Variants in PLEKHG5 observed in about 807,000 individuals in gnomAD.
The protein encoded by PLEKHG5 is pleckstrin homology and RhoGEF domain containing G5.
In PLEKHG5, 52 loss-of-function variants were observed where a neutral mutation model predicts 103.8. That is an observed-to-expected ratio of 0.50 (90% CI 0.40 to 0.63). The LOEUF (loss-of-function observed/expected upper bound fraction) is 0.63, where lower values mean the gene tolerates loss of function less well. Ranked by LOEUF, PLEKHG5 falls within the 30% of genes least tolerant of loss-of-function variation. PLEKHG5 has a pLI of 0.00. For synonymous variants in PLEKHG5, 592 were observed against 575.5 expected (o/e 1.03, Z -0.41); for missense variants, 1,205 against 1,347.6 (o/e 0.89, Z 1.66).
At chr1:6,471,389 G>T (rs1243725922) in intron 12 of PLEKHG5, 99 bp downstream of exon 12, 3 of 1,344,272 alleles carry the variant, frequency 2.2e-6, no homozygotes, top group African/African-American at 1.4e-5. Context: ...GGGCCTGGGG[G>T]AGGTTGGGGA....
intron 7 of PLEKHG5, 74 bp downstream of exon 7, chr1:6,473,939 C>T (rs960466691): frequency 4.9e-6 from 7 of 1,419,900 alleles, no homozygotes; most frequent in Non-Finnish European, 6.8e-6. Context: ...AGGGTGACTG[C>T]CTCTGAGGAG....
chr1:6,502,342 A>G (rs1645304638), intron 1 of PLEKHG5, among the ~76,000 whole-genome samples: 1 of 152,232 alleles, frequency 6.6e-6, no homozygotes, highest in Admixed American at 6.5e-5. Flanking sequence ...AGCTGCAGGG[A>G]GGGGCATGGA....
upstream of PLEKHG5, chr1:6,496,624 C>T (rs1237520235): frequency 6.1e-6 from 8 of 1,317,202 alleles, no homozygotes; most frequent in Non-Finnish European, 8.2e-6. Context: ...CTCCCCTGGG[C>T]CCCACTGGCC....
chr1:6,496,106 T>C (rs1452160804), upstream of PLEKHG5, among the ~76,000 whole-genome samples: 2 of 151,920 alleles, frequency 1.3e-5, no homozygotes, highest in African/African-American at 4.8e-5. Context: ...AGTGGCTGAG[T>C]TCAACAGGAA....
chr1:6,518,144 G>A (rs1411315109), intron 1 of PLEKHG5, among the ~76,000 whole-genome samples: 1 of 151,530 alleles, frequency 6.6e-6, no homozygotes, highest in East Asian at 2.0e-4. Flanking sequence ...ATGTTAGCCA[G>A]GATGGTCTTG....
chr1:6,469,035 G>T lies in PLEKHG5; in HGVS notation c.2249+7C>A. On this transcript the variant is annotated splice_region_variant and intron_variant, in intron 19 of 20. Coordinates refer to ENST00000377728, the MANE Select transcript of PLEKHG5 (RefSeq NM_020631.6). ...TTGACCTGCTGGGTGGTCATGAGCA[G>T]ACGTACCAGTGCTGAGAGTCGGGGC... The T allele has an allele frequency of 1.2e-6, 2 of 1,612,248 alleles. No homozygotes were observed. Among genetic ancestry groups the T allele is most frequent in the Non-Finnish European group, 8.5e-7 (1 of 1,178,656 alleles).
chr1:6,502,930 A>T (rs1264126288), intron 1 of PLEKHG5, among the ~76,000 whole-genome samples: 3 of 152,162 alleles, frequency 2.0e-5, no homozygotes, highest in Non-Finnish European at 4.4e-5. Context: ...GGCCCCGGGG[A>T]GAGCTGGGGC....
At chr1:6,503,741 C>T (rs868227219) in intron 1 of PLEKHG5, among the ~76,000 whole-genome samples, 16 of 152,130 alleles carry the variant, frequency 1.1e-4, no homozygotes, top group African/African-American at 3.6e-4. Context: ...ATAAAGAGCA[C>T]TTGGCACTGG....
chr1:6,508,237 G>A (rs1379936393), intron 1 of PLEKHG5, among the ~76,000 whole-genome samples: 1 of 152,156 alleles, frequency 6.6e-6, no homozygotes, highest in Non-Finnish European at 1.5e-5. Context: ...CCCTCCTGAG[G>A]GGCTGCAGCC....
chr1:6,467,724 C>T, intron 20 of PLEKHG5, 101 bp downstream of exon 20: 1 of 1,514,082 alleles, frequency 6.6e-7, no homozygotes, highest in Admixed American at 1.7e-5. Flanking sequence ...GTTCAGGCTC[C>T]CTCCGCCATG....
At chr1:6,489,991 C>T (rs549305015) in intron 1 of PLEKHG5, among the ~76,000 whole-genome samples, 209 of 152,326 alleles carry the variant, frequency 1.4e-3, no homozygotes, top group African/African-American at 4.9e-3. Context: ...ATCCCCCACC[C>T]CTAAGTGGGT....
In PLEKHG5 at chr1:6,477,646, C is replaced by T. The variant is rs778080095; in HGVS notation, c.-75G>A. On this transcript the variant is annotated 5_prime_UTR_variant, in exon 2 of 21. Transcript: ENST00000377728. ...CGGCGGTGCAGCTGCTGGCAGTCGG[C>T]GTGGTGACATACCTGGGGTGGGGAC... The T allele has an allele frequency of 2.5e-5, 40 of 1,604,990 alleles. No homozygotes were observed. The highest frequency in any genetic ancestry group is 2.1e-4 in the South Asian group (19 of 91,074).
At chr1:6,502,533 A>G (rs1645306705) in intron 1 of PLEKHG5, among the ~76,000 whole-genome samples, 1 of 152,240 alleles carries the variant, frequency 6.6e-6, no homozygotes, top group Non-Finnish European at 1.5e-5. Flanking sequence ...AGCTCTGCAC[A>G]CAGGCCTGGG....
intron 1 of PLEKHG5, among the ~76,000 whole-genome samples, chr1:6,502,041 G>A (rs1247822449): frequency 6.6e-6 from 1 of 152,250 alleles, no homozygotes; most frequent in African/African-American, 2.4e-5. Flanking sequence ...CCTCCCGCGT[G>A]AGCCCCACCC....
chr1:6,493,417 G>A (rs1445286768), upstream of PLEKHG5, among the ~76,000 whole-genome samples: 2 of 152,214 alleles, frequency 1.3e-5, no homozygotes, highest in African/African-American at 4.8e-5. Flanking sequence ...ATCCTGGAGA[G>A]TAAGAATAGG....
chr1:6,481,932 T>C (rs569017791), intron 1 of PLEKHG5, among the ~76,000 whole-genome samples: 133 of 152,068 alleles, frequency 8.7e-4, no homozygotes, highest in African/African-American at 3.0e-3. Context: ...CTTTTTTTTT[T>C]TTTAGGGTTA....
chr1:6,515,638 C>T (rs1441060635), intron 1 of PLEKHG5, among the ~76,000 whole-genome samples: 1 of 150,264 alleles, frequency 6.7e-6, no homozygotes, highest in Non-Finnish European at 1.5e-5. Context: ...CCAGCCTGGA[C>T]AACAGAGCAA....
intron 1 of PLEKHG5, among the ~76,000 whole-genome samples, chr1:6,508,726 C>A (rs909761841): frequency 6.6e-6 from 1 of 152,252 alleles, no homozygotes; most frequent in African/African-American, 2.4e-5. Flanking sequence ...CAGCCTCAGG[C>A]AGGCTCTCCA....
At chr1:6,492,388 C>T (rs1248467440), upstream of PLEKHG5, among the ~76,000 whole-genome samples, 1 of 152,098 alleles carries the variant, frequency 6.6e-6, no homozygotes, top group Non-Finnish European at 1.5e-5. Context: ...GGAGTCCACA[C>T]ACTGTCCCGT....
Sources: gnomAD v4.1 joint callset for allele counts (sites outside exome capture counted in the v4.1 genomes callset) on GRCh38, gnomAD v4.1.1 for gene constraint, MANE v1.5 for transcripts, NCBI Gene and HGNC (gene_info 2026-07-23, HGNC 2026-07-21) for gene names.